The following GLIS3 variants were observed in gnomAD, a reference collection of about 807,000 sequenced individuals.
GLIS3 encodes GLIS family zinc finger 3.
In GLIS3, 53 loss-of-function variants were observed where a neutral mutation model predicts 78.6. The observed-to-expected ratio is 0.67, with a 90% CI of 0.54 to 0.85. The LOEUF (loss-of-function observed/expected upper bound fraction) is 0.85, where lower values mean the gene tolerates loss of function less well. Ranked by LOEUF, GLIS3 falls within the 40% of genes least tolerant of loss-of-function variation. The pLI, the probability that GLIS3 is intolerant of heterozygous loss-of-function variation, is 0.00. For synonymous variants in GLIS3, 684 were observed against 509.9 expected (o/e 1.34, Z -4.60); for missense variants, 1,703 against 1,231.1 (o/e 1.38, Z -5.74).
intron 4 of GLIS3, among the ~76,000 whole-genome samples, chr9:4,015,629 C>T (rs559319078): frequency 5.9e-5 from 9 of 152,150 alleles, no homozygotes; most frequent in South Asian, 2.1e-4. Context: ...GGCTCACGCC[C>T]GTAATCCCAG....
At chr9:3,929,386 G>T (rs1825471465) in intron 6 of GLIS3, among the ~76,000 whole-genome samples, 1 of 151,992 alleles carries the variant, frequency 6.6e-6, no homozygotes, top group Admixed American at 6.6e-5. Flanking sequence ...ATAATGTTTA[G>T]CTGGGATTTC....
At chr9:4,238,527 A>T (rs1210636387) in intron 2 of GLIS3, among the ~76,000 whole-genome samples, 1 of 152,166 alleles carries the variant, frequency 6.6e-6, no homozygotes, top group East Asian at 1.9e-4. Flanking sequence ...ACAGTGCTAA[A>T]ACCACCGTGG....
intron 2 of GLIS3, among the ~76,000 whole-genome samples, chr9:4,324,770 T>C (rs1203297886): frequency 6.6e-6 from 1 of 152,250 alleles, no homozygotes; most frequent in Non-Finnish European, 1.5e-5. Flanking sequence ...TACCATTTTC[T>C]GTAAGTCATT....
intron 2 of GLIS3, among the ~76,000 whole-genome samples, chr9:4,133,266 A>C (rs192062981): frequency 6.6e-6 from 1 of 152,218 alleles, no homozygotes; most frequent in African/African-American, 2.4e-5. Flanking sequence ...ACACTTAGCA[A>C]TGATATAGTA....
chr9:4,166,070 C>A (rs1835865421), intron 2 of GLIS3, among the ~76,000 whole-genome samples: 1 of 152,178 alleles, frequency 6.6e-6, no homozygotes, highest in Admixed American at 6.5e-5. Flanking sequence ...AGACTTGGAA[C>A]CTCAGGCAAA....
intron 6 of GLIS3, among the ~76,000 whole-genome samples, chr9:3,905,450 G>A (rs1823633122): frequency 1.3e-5 from 2 of 152,108 alleles, no homozygotes; most frequent in Admixed American, 6.5e-5. Context: ...CTTTGTTGGA[G>A]TAGAGATTGA....
chr9:3,995,868 A>T (rs1385077446), intron 4 of GLIS3, among the ~76,000 whole-genome samples: 1 of 152,184 alleles, frequency 6.6e-6, no homozygotes, highest in Non-Finnish European at 1.5e-5. Flanking sequence ...AGGTGATAAT[A>T]CAGTGATGGA....
rs35310357 is a variant in GLIS3, at chr9:4,162,854, C to CAA, written c.389-36915_389-36914dup. Among the ~76,000 whole-genome samples, 78 of 73,874 alleles carry CAA rather than the reference C, an allele frequency of 1.1e-3. 1 individual carries two copies. The highest frequency in any genetic ancestry group is 2.9e-3 in the African/African-American group (55 of 18,700). 48.5% of individuals were successfully genotyped at this position (73,874 alleles called of 152,430 possible). On this transcript the variant is annotated intron_variant, in intron 2 of 10. Transcript: ENST00000381971. ...CCCGGGCGACAGAGTCTCGCTCTGT[C>CAA]AAAAAAAAAAAAAAAAAAAAAAAAA...
chr9:4,338,698 T>C (rs1176275969), intron 2 of GLIS3, among the ~76,000 whole-genome samples: 1 of 152,150 alleles, frequency 6.6e-6, no homozygotes, highest in African/African-American at 2.4e-5. Flanking sequence ...GTGTAAGTAC[T>C]GGAGATTGGT....
At chr9:4,344,615 A>G (rs539768240) in intron 2 of GLIS3, among the ~76,000 whole-genome samples, 130 of 152,286 alleles carry the variant, frequency 8.5e-4, no homozygotes, top group Non-Finnish European at 1.2e-3. Context: ...AATAACTCCC[A>G]AATTTCATTT....
At chr9:3,948,862 A>T (rs1183790317) in intron 4 of GLIS3, among the ~76,000 whole-genome samples, 1 of 152,218 alleles carries the variant, frequency 6.6e-6, no homozygotes, top group African/African-American at 2.4e-5. Context: ...TTTTGGCTGG[A>T]AAGTATCTAG....
the GLIS3 span, among the ~76,000 whole-genome samples, chr9:4,399,179 G>C: frequency 1.2e-4 from 19 of 152,262 alleles, 2 homozygotes; most frequent in African/African-American, 4.3e-4. Context: ...CCAACACAAA[G>C]AAATGATAAA....
intron 1 of GLIS3, among the ~76,000 whole-genome samples, chr9:4,293,609 A>T (rs1234130853): frequency 6.6e-6 from 1 of 152,254 alleles, no homozygotes; most frequent in African/African-American, 2.4e-5. Flanking sequence ...TTCTTCACAC[A>T]CAAGAATAAC....
chr9:3,897,341 A>C (rs1341381737), intron 7 of GLIS3, among the ~76,000 whole-genome samples: 1 of 152,226 alleles, frequency 6.6e-6, no homozygotes, highest in Non-Finnish European at 1.5e-5. Context: ...GCTGTTTAAA[A>C]TTGTTTGCTA....
chr9:4,184,949 G>A (rs1336256789), intron 2 of GLIS3, among the ~76,000 whole-genome samples: 2 of 152,100 alleles, frequency 1.3e-5, no homozygotes, highest in African/African-American at 4.8e-5. Flanking sequence ...TGTACTTTGT[G>A]AAAAACAACA....
chr9:4,137,003 G>T (rs476705), intron 2 of GLIS3, among the ~76,000 whole-genome samples: 3 of 152,036 alleles, frequency 2.0e-5, no homozygotes, highest in Admixed American at 2.0e-4. Context: ...ATCCCATTAG[G>T]AGCAGAGTTC....
chr9:3,837,433 GTTGGAAAAC>G (rs1487610944), intron 9 of GLIS3, among the ~76,000 whole-genome samples: 1 of 152,140 alleles, frequency 6.6e-6, no homozygotes, highest in Non-Finnish European at 1.5e-5. Flanking sequence ...TACCCAAAGG[GTTGGAAAAC>G]TTATGTCCAT....
the GLIS3 span, among the ~76,000 whole-genome samples, chr9:4,365,774 T>G: frequency 6.6e-6 from 1 of 152,144 alleles, no homozygotes; most frequent in South Asian, 2.1e-4. Context: ...TTTTACATAA[T>G]ATAGTGGAAA....
intron 2 of GLIS3, among the ~76,000 whole-genome samples, chr9:4,212,422 T>C (rs1035000777): frequency 6.6e-6 from 1 of 152,216 alleles, no homozygotes; most frequent in African/African-American, 2.4e-5. Context: ...GGCACTGTGC[T>C]GGATACTTAG....
Sources: gnomAD v4.1 joint callset for allele counts (sites outside exome capture counted in the v4.1 genomes callset) on GRCh38, gnomAD v4.1.1 for gene constraint, MANE v1.5 for transcripts, NCBI Gene and HGNC (gene_info 2026-07-23, HGNC 2026-07-21) for gene names.